Variants in MBNL2 observed in about 807,000 individuals in gnomAD.
The protein encoded by MBNL2 is muscleblind-like protein 2.
MBNL2 carries 17 observed loss-of-function variants against 41.9 expected under a neutral mutation model. The ratio of observed to expected loss-of-function variants is 0.41; its 90% CI spans 0.28 to 0.61. The LOEUF is 0.61. MBNL2 is among the 20% of genes least tolerant of loss of function. The pLI is 0.35. For synonymous variants in MBNL2, 195 were observed against 182.9 expected, an observed-to-expected ratio of 1.07 and a Z score of -0.53; for missense variants, 336 against 505.6, an observed-to-expected ratio of 0.66 and a Z score of 3.22.
intron 1 of MBNL2, among the ~76,000 whole-genome samples, chr13:97,264,695 G>T (rs1466296617): frequency 6.6e-6 from 1 of 152,194 alleles, no homozygotes; most frequent in Non-Finnish European, 1.5e-5. Flanking sequence ...CAAAAAAGGG[G>T]TTATTAGTAT....
intron 2 of MBNL2, among the ~76,000 whole-genome samples, chr13:97,312,984 A>G (rs550348667): frequency 4.8e-4 from 73 of 152,256 alleles, no homozygotes; most frequent in Admixed American, 9.2e-4. Context: ...GCTACATGCA[A>G]CCATGTTCCC....
the MBNL2 span, chr13:97,179,405 C>T: frequency 6.6e-6 from 1 of 152,208 alleles, no homozygotes; most frequent in Non-Finnish European, 1.5e-5. Flanking sequence ...TCTACTTTTG[C>T]TATTTGACAT....
the MBNL2 span, among the ~76,000 whole-genome samples, chr13:97,155,156 T>G: frequency 6.6e-6 from 1 of 152,144 alleles, no homozygotes; most frequent in Non-Finnish European, 1.5e-5. Flanking sequence ...TGAAACTAAT[T>G]ACACACATGG....
chr13:97,361,958 A>C lies in MBNL2; in HGVS notation c.1013-3178A>C, dbSNP rs566769233. 7.3e-5 allele frequency among the ~76,000 whole-genome samples: 11 copies of C among 151,628 alleles called. No individual in the cohort carries two copies. In the South Asian group the frequency reaches 2.1e-3, roughly 29 times the overall value. Reference sequence around the variant, plus strand: ...CTAATTTTTTTTGTATTTTTCGTAGAGACAGGATTTTACCATCTTGGCCAG... The same window carrying C: ...CTAATTTTTTTTGTATTTTTCGTAGCGACAGGATTTTACCATCTTGGCCAG... On this transcript the variant is annotated intron_variant, in intron 7 of 8. Coordinates refer to ENST00000679496, the MANE Select transcript of MBNL2 (RefSeq NM_001382683.1).
chr13:97,389,463 G>A (rs1487555403), intron 8 of MBNL2, among the ~76,000 whole-genome samples: 1 of 152,134 alleles, frequency 6.6e-6, no homozygotes, highest in Non-Finnish European at 1.5e-5. Context: ...AGCACTTTGG[G>A]AGTCTGAGGT....
At chr13:97,278,251 C>CAAAAAAA (rs10606011) in intron 2 of MBNL2, among the ~76,000 whole-genome samples, 2 of 40,530 alleles carry the variant, frequency 4.9e-5, no homozygotes, top group African/African-American at 2.3e-4. Context: ...GAGACTGTCT[C>CAAAAAAA]AAAAAAAAAA....
At chr13:97,282,846 TTG>T (rs965155632) in intron 2 of MBNL2, among the ~76,000 whole-genome samples, 5 of 152,114 alleles carry the variant, frequency 3.3e-5, no homozygotes, top group African/African-American at 9.7e-5. Flanking sequence ...AAAGATGGGA[TTG>T]TGTCTTACTT....
At chr13:97,221,876 A>G (rs2040888736), upstream of MBNL2, among the ~76,000 whole-genome samples, 1 of 152,344 alleles carries the variant, frequency 6.6e-6, no homozygotes, top group South Asian at 2.1e-4. Flanking sequence ...AATGTTTTGT[A>G]AGGTATTAAC....
the MBNL2 span, among the ~76,000 whole-genome samples, chr13:97,207,040 C>A: frequency 6.6e-6 from 1 of 152,156 alleles, no homozygotes; most frequent in South Asian, 2.1e-4. Context: ...CCTCTACTCA[C>A]AACTTTCTCC....
chr13:97,308,049 T>C (rs957375167), intron 2 of MBNL2, among the ~76,000 whole-genome samples: 5 of 152,250 alleles, frequency 3.3e-5, no homozygotes, highest in South Asian at 4.1e-4. Context: ...AGAGCTATTA[T>C]AATAAAAGGG....
At chr13:97,188,526 TA>T in the MBNL2 span, among the ~76,000 whole-genome samples, 20 of 152,184 alleles carry the variant, frequency 1.3e-4, no homozygotes, top group African/African-American at 4.8e-4. Context: ...TAGCTTGACC[TA>T]CTGCTTCCTG....
At chr13:97,218,440 C>CAAACAA (rs1555302256), upstream of MBNL2, among the ~76,000 whole-genome samples, 3 of 117,974 alleles carry the variant, frequency 2.5e-5, no homozygotes, top group Non-Finnish European at 1.7e-5. Context: ...CAAAACAAAA[C>CAAACAA]AAAAAAAAAA....
intron 2 of MBNL2, among the ~76,000 whole-genome samples, chr13:97,321,284 AC>A (rs773567526): frequency 6.6e-4 from 101 of 152,154 alleles, no homozygotes; most frequent in Admixed American, 2.9e-3. Flanking sequence ...AGTCCCGGAA[AC>A]CCCCTGCTGT....
At chr13:97,203,553 G>A in the MBNL2 span, among the ~76,000 whole-genome samples, 1 of 152,038 alleles carries the variant, frequency 6.6e-6, no homozygotes, top group Non-Finnish European at 1.5e-5. Context: ...GCGCTCACGG[G>A]TAACTCTATG....
At chr13:97,281,811 G>A (rs1232404861) in intron 2 of MBNL2, among the ~76,000 whole-genome samples, 6 of 152,298 alleles carry the variant, frequency 3.9e-5, no homozygotes, top group Non-Finnish European at 7.3e-5. Context: ...AGGTAAACAT[G>A]ATTAAGTCAC....
In MBNL2 at chr13:97,245,211, G is replaced by A. The variant is rs565609335; in HGVS notation, c.-605+22680G>A. On this transcript the variant is annotated intron_variant, in intron 1 of 8. Coordinates refer to ENST00000679496, the MANE Select transcript of MBNL2 (RefSeq NM_001382683.1). ...TAAACTTTAGCCCAGTCTATAAATG[G>A]TTTCAACTCACAAAGGAATTCTGAT... is the stretch of plus-strand genomic sequence containing the variant. Among the ~76,000 whole-genome samples, 3 of 152,250 alleles carry A rather than the reference G, an allele frequency of 2.0e-5. No individual in the cohort carries two copies. The East Asian group carries it at 5.8e-4, about 29-fold the overall frequency.
At chr13:97,193,455 GTATTAT>G in the MBNL2 span, among the ~76,000 whole-genome samples, 1 of 152,202 alleles carries the variant, frequency 6.6e-6, no homozygotes, top group Non-Finnish European at 1.5e-5. Context: ...TGGGGAGGAT[GTATTAT>G]ACAATGTATG....
At chr13:97,266,804 A>G (rs2049917427) in intron 1 of MBNL2, among the ~76,000 whole-genome samples, 1 of 152,148 alleles carries the variant, frequency 6.6e-6, no homozygotes, top group Non-Finnish European at 1.5e-5. Flanking sequence ...CAAGGAGACA[A>G]GGTTTCTTTC....
At chr13:97,292,745 C>G (rs1332549436) in intron 2 of MBNL2, among the ~76,000 whole-genome samples, 2 of 151,794 alleles carry the variant, frequency 1.3e-5, no homozygotes, top group African/African-American at 4.8e-5. Flanking sequence ...AACTGTACTT[C>G]TTGATACATA....
Sources: allele counts gnomAD v4.1 joint callset (sites outside exome capture counted in the v4.1 genomes callset), GRCh38; gene constraint gnomAD v4.1.1; transcripts MANE v1.5; gene names NCBI Gene and HGNC (gene_info 2026-07-23, HGNC 2026-07-21).